Variants in ASGR1 observed in about 807,000 individuals in gnomAD.
ASGR1 encodes the protein asialoglycoprotein receptor 1.
A neutral mutation model predicts 33.1 loss-of-function variants in ASGR1; 35 were observed. That is an observed-to-expected ratio of 1.06 (90% confidence interval 0.81 to 1.40). The LOEUF is 1.40. Among genes scored for constraint, ASGR1 ranks in the 40% most tolerant of loss-of-function variants. The pLI, the probability that ASGR1 is intolerant of heterozygous loss-of-function variation, is 0.00. For synonymous variants in ASGR1, 142 were observed against 152.5 expected (o/e 0.93, Z 0.51); for missense variants, 396 against 373.7 (o/e 1.06, Z -0.49).
intron 2 of ASGR1, chr17:7,178,162 GA>G: frequency 2.8e-6 from 1 of 356,884 alleles, no homozygotes; most frequent in Non-Finnish European, 5.3e-6. Context: ...GGTGGTGTTG[GA>G]AGGGGAAAGG....
At chr17:7,178,774 G>A (rs1597425538) in intron 1 of ASGR1, 186 bp from the exon 2 acceptor site, 3 of 424,652 alleles carry the variant, frequency 7.1e-6, no homozygotes, top group Non-Finnish European at 1.2e-5. Flanking sequence ...GTCTTGCTCT[G>A]TCCCCAGGCC....
At chr17:7,176,144 C>T (rs2069201323) in intron 5 of ASGR1, among the ~76,000 whole-genome samples, 1 of 148,914 alleles carries the variant, frequency 6.7e-6, no homozygotes, top group Admixed American at 6.7e-5. Flanking sequence ...ACACACCCAT[C>T]TCATTCTCAC....
chr17:7,174,276 G>T lies in ASGR1; in HGVS notation c.456C>A (p.Thr152=). The part of the protein sequence containing the change: ...AALQGNGSER[T]CCPVNWVEHE... The stretch of plus-strand genomic sequence containing the variant: ...GCTCCACCCAGTTGACCGGGCAGCA[G>T]GTCCTTTCTGAGCCTGAGCGGGAGA... The change falls in exon 7 of 9, where the codon ACC becomes ACA. Residue 152 remains threonine (T), a synonymous_variant. Transcript: ENST00000269299. The T allele has an allele frequency of 6.2e-7, 1 of 1,614,036 alleles. No homozygotes were observed. The highest frequency in any genetic ancestry group is 1.3e-5 in the African/African-American group (1 of 75,060).
chr17:7,176,493 A>C, intron 5 of ASGR1: 1 of 428,632 alleles, frequency 2.3e-6, no homozygotes, highest in South Asian at 2.4e-5. Context: ...ACTCTATCTC[A>C]TTCTCACACT....
rs113350492 is a variant in ASGR1 at position 7,176,829 on chromosome 17, C to T, written c.355+1G>A. ...ACACACACACACACTCCCTCTCTGACCTTCACTCAGGTCCTTCTGCTGTTT... is the reference window on the plus strand; with the variant it reads ...ACACACACACACACTCCCTCTCTGATCTTCACTCAGGTCCTTCTGCTGTTT... On this transcript the variant is annotated splice_donor_variant, in intron 5 of 8. Transcript: ENST00000269299. LOFTEE classifies it high-confidence loss of function. 1.2e-6 allele frequency: 2 copies of T among 1,612,392 alleles called. No homozygotes were observed. Among genetic ancestry groups the T allele is most frequent in the Non-Finnish European group, 8.5e-7 (1 of 1,179,950 alleles).
intron 2 of ASGR1, chr17:7,178,209 G>T: frequency 1.1e-5 from 5 of 468,604 alleles, no homozygotes; most frequent in Non-Finnish European, 1.6e-5. Flanking sequence ...GAAGCCGACA[G>T]TGACCTCATC....
rs2069170784 is a variant in ASGR1, at chr17:7,174,462, TGGGGAGACCGGGCGGA to T, written c.356-18_356-3del. The T allele has an allele frequency of 6.2e-7, 1 of 1,611,930 alleles. No homozygotes were observed. The highest frequency in any genetic ancestry group is 1.1e-5 in the South Asian group (1 of 90,816). ...CGTGGAGCAGCAGGCTGGAGTGATC[TGGGGAGACCGGGCGGA>T]GGGGAGCGGGAGGAGATGCGGAAAC... On this transcript the variant is annotated splice_polypyrimidine_tract_variant and splice_region_variant and intron_variant, in intron 5 of 8. Transcript: ENST00000269299.
Position 7,174,223 on chromosome 17 carries a change from C to A in ASGR1, c.509G>T (p.Arg170Leu), listed in dbSNP as rs1181982025. 6 of 1,614,108 alleles carry A rather than the reference C, an allele frequency of 3.7e-6. No individual in the cohort carries two copies. Among genetic ancestry groups the A allele is most frequent in the Non-Finnish European group, 8.5e-7 (1 of 1,180,042 alleles). The change falls in exon 7 of 9, where the codon CGC becomes CTC. Residue 170 changes from arginine to leucine, a missense_variant. Transcript: ENST00000269299. Reference sequence around the variant, plus strand: ...GGCGTCAGCCCAGGCCTTCCCGGAGCGAGAGAACCAGTAGCAGCTGCGCTC... The same window carrying A: ...GGCGTCAGCCCAGGCCTTCCCGGAGAGAGAGAACCAGTAGCAGCTGCGCTC... The part of the protein sequence containing the change: ...EHERSCYWFS[R>L]SGKAWADADN...
chr17:7,177,338 G>A lies in ASGR1; in HGVS notation c.71-12C>T. The A allele has an allele frequency of 6.2e-7, 1 of 1,611,024 alleles. No homozygotes were observed. The highest frequency in any genetic ancestry group is 8.5e-7 in the Non-Finnish European group (1 of 1,178,048). ...GGGAGGAGGTGGCCCTGCAAGAGGA[G>A]GGGGTGTCAGGAGCGCGGGGACAGA... On this transcript the variant is annotated splice_polypyrimidine_tract_variant and intron_variant, in intron 2 of 8. Transcript: ENST00000269299.
At chr17:7,175,779 GCT>G (rs1488462454) in intron 5 of ASGR1, among the ~76,000 whole-genome samples, 1 of 129,162 alleles carries the variant, frequency 7.7e-6, no homozygotes. Flanking sequence ...TTTCACACAG[GCT>G]CTCACACACA....
chr17:7,176,950 C>T, intron 4 of ASGR1, 31 bp downstream of exon 4: 3 of 1,598,776 alleles, frequency 1.9e-6, no homozygotes, highest in South Asian at 2.2e-5. Flanking sequence ...CAGCCCCAGC[C>T]CCAGCCCCAG....
At chr17:7,177,537 C>G (rs1000993127) in intron 2 of ASGR1, 32 of 539,360 alleles carry the variant, frequency 5.9e-5, no homozygotes, top group African/African-American at 5.7e-4. Context: ...AAGCGCTGAG[C>G]CGCCCCATCC....
chr17:7,175,882 C>A (rs1341276759), intron 5 of ASGR1, among the ~76,000 whole-genome samples: 1 of 146,452 alleles, frequency 6.8e-6, no homozygotes, highest in Non-Finnish European at 1.5e-5. Flanking sequence ...CACACAGTCT[C>A]ACAGACACTC....
chr17:7,174,130 G>A lies in ASGR1; in HGVS notation c.594+8C>T, dbSNP rs1437255089. The A allele has an allele frequency of 1.9e-6, 3 of 1,614,036 alleles. No individual in the cohort carries two copies. The highest frequency in any genetic ancestry group is 2.5e-6 in the Non-Finnish European group (3 of 1,179,930). The stretch of plus-strand genomic sequence containing the variant: ...CCAGCCAGCCTCCCAGACCCTCCGG[G>A]TCCTCACCTGCTCCTCCCAGGACGT... On this transcript the variant is annotated splice_region_variant and intron_variant, in intron 7 of 8. Transcript: ENST00000269299.
chr17:7,178,730 TTTCTTTTC>T (rs2069244695), intron 1 of ASGR1, 142 bp from the exon 2 acceptor site: 4 of 186,526 alleles, frequency 2.1e-5, no homozygotes, highest in South Asian at 8.6e-5. Context: ...TTTTCTTTTT[TTTCTTTTC>T]TTTTTTTTTT....
At chr17:7,175,344 C>CCA (rs749669952) in intron 5 of ASGR1, among the ~76,000 whole-genome samples, 20 of 142,908 alleles carry the variant, frequency 1.4e-4, no homozygotes, top group East Asian at 1.1e-3. Flanking sequence ...ACACCTTCAC[C>CCA]CACACACACA....
Position 7,173,605 on chromosome 17 carries a change from G to C in ASGR1, c.*54C>G. 9 of 1,607,728 alleles carry C rather than the reference G, an allele frequency of 5.6e-6. No homozygotes were observed. Among genetic ancestry groups the C allele is most frequent in the Admixed American group, 1.7e-5 (1 of 59,838 alleles). On this transcript the variant is annotated 3_prime_UTR_variant, in exon 9 of 9. Transcript: ENST00000269299. This position sits in a 1 kb window ranked among gnomAD's most constrained non-coding sequence, Gnocchi z 4.7. Reference sequence around the variant, plus strand: ...AGAAAGCAGAAGAGGCCCCCAGATGGGCGGATTCCCAATCCCGGACCCCTG... The same window carrying C: ...AGAAAGCAGAAGAGGCCCCCAGATGCGCGGATTCCCAATCCCGGACCCCTG...
At chr17:7,174,704 CAA>C (rs2069174819) in intron 5 of ASGR1, among the ~76,000 whole-genome samples, 1 of 142,552 alleles carries the variant, frequency 7.0e-6, no homozygotes, top group Admixed American at 7.2e-5. Context: ...CACACACAGA[CAA>C]TATACAACAC....
rs769023033 is a variant in ASGR1, at chr17:7,173,804, C to G, written c.731G>C (p.Trp244Ser). The change falls in exon 9 of 9, where the codon TGG becomes TCG. Residue 244 changes from tryptophan to serine, a missense_variant. Physicochemically the swap from Trp to Ser is radical, Grantham distance 177 (BLOSUM62 -3). Coordinates refer to ENST00000269299, the MANE Select transcript of ASGR1 (RefSeq NM_001671.5). The surrounding 1 kb of genome is among the most constrained non-coding windows in gnomAD (Gnocchi z 4.7). The part of the protein sequence containing the change: ...KNWRPEQPDD[W>S]YGHGLGGGED... ...GCCTCCTCCGAGCCCGTGGCCGTACCAGTCGTCCGGCTGCTCCGGCCTCCA... is the reference window on the plus strand; with the variant it reads ...GCCTCCTCCGAGCCCGTGGCCGTACGAGTCGTCCGGCTGCTCCGGCCTCCA... 2 of 1,611,720 alleles carry G rather than the reference C, an allele frequency of 1.2e-6. No individual in the cohort carries two copies. The highest frequency in any genetic ancestry group is 1.7e-6 in the Non-Finnish European group (2 of 1,179,642).
Sources: gnomAD v4.1 joint callset for allele counts (sites outside exome capture counted in the v4.1 genomes callset) on GRCh38, gnomAD v4.1.1 for gene constraint, Gnocchi (gnomAD v3.1) non-coding constraint, MANE v1.5 for transcripts, NCBI Gene and HGNC (gene_info 2026-07-23, HGNC 2026-07-21) for gene names.